GCFC2: variants seen among roughly 807,000 people sequenced by gnomAD.
GCFC2 encodes the protein intron Large complex component GCFC2.
In GCFC2, 102 loss-of-function variants were observed where a neutral mutation model predicts 99.4. The observed-to-expected ratio is 1.03, with a 90% CI of 0.87 to 1.21. GCFC2 has a LOEUF of 1.21. Ranked by LOEUF, GCFC2 falls within the 50% of genes most tolerant of loss-of-function variation. The pLI is 0.00. For synonymous variants in GCFC2, 338 were observed against 316.8 expected (o/e 1.07, Z -0.71); for missense variants, 973 against 920.9 (o/e 1.06, Z -0.73).
chr2:75,697,475 C>G (rs918222742), intron 4 of GCFC2: 3 of 152,316 alleles, frequency 2.0e-5, no homozygotes, highest in African/African-American at 7.2e-5. Context: ...CACTTACCTT[C>G]CCTCCTATAA....
intron 12 of GCFC2, among the ~76,000 whole-genome samples, chr2:75,676,431 A>C (rs1679340999): frequency 6.6e-6 from 1 of 150,934 alleles, no homozygotes. Context: ...CCACTTCCAC[A>C]TGACAATTTT....
chr2:75,680,041 AAAGTC>A (rs1298690556), intron 12 of GCFC2, 147 bp downstream of exon 12: 1 of 580,790 alleles, frequency 1.7e-6, no homozygotes, highest in Non-Finnish European at 2.8e-6. Flanking sequence ...AGTCTGAGAA[AAAGTC>A]TAGTTTCTAT....
chr2:75,689,611 A>C (rs1201842764), intron 9 of GCFC2, among the ~76,000 whole-genome samples: 2 of 152,148 alleles, frequency 1.3e-5, no homozygotes, highest in Non-Finnish European at 2.9e-5. Flanking sequence ...GAATTTTTCA[A>C]CTATATGCAT....
At position 75,680,177 on chromosome 2, in the gene GCFC2, C is replaced by G. The variant is rs369179494; in HGVS notation, c.1812+16G>C. The G allele has an allele frequency of 1.0e-5, 16 of 1,583,596 alleles. No homozygotes were observed. Among genetic ancestry groups the G allele is most frequent in the East Asian group, 2.2e-5 (1 of 44,600 alleles). On this transcript the variant is annotated intron_variant, in intron 12 of 16. Coordinates refer to ENST00000321027, the MANE Select transcript of GCFC2 (RefSeq NM_003203.5). The stretch of plus-strand genomic sequence containing the variant: ...TAGAGATAGATCATGGAGTTCGCAA[C>G]TCTAGAAATTATTACCTGTCTGCTT...
Position 75,664,673 on chromosome 2 carries a change from T to C in GCFC2, c.2339A>G (p.Glu780Gly), listed in dbSNP as rs777814462. ...HLDHLKSLIK[E>G]D is the part of the protein sequence containing the mutation. ...TTTTCCAATAAAGTTTATTCAATCT[T>C]CTTTAATTAGTGATTTAAGATGGTC... The change falls in exon 17 of 17, where the codon GAA becomes GGA. Residue 780 changes from glutamate to glycine, a missense_variant. By Grantham distance (98) the Glu-to-Gly change is moderately conservative. Transcript: ENST00000321027. 1 of 1,337,808 alleles carries C rather than the reference T, an allele frequency of 7.5e-7. No individual in the cohort carries two copies. The highest frequency in any genetic ancestry group is 1.1e-6 in the Non-Finnish European group (1 of 936,684). 82.9% of individuals were successfully genotyped at this position (1,337,808 alleles called of 1,614,324 possible).
chr2:75,705,533 C>T (rs1191929436), intron 2 of GCFC2, among the ~76,000 whole-genome samples: 3 of 112,566 alleles, frequency 2.7e-5, no homozygotes, highest in Non-Finnish European at 6.0e-5. Flanking sequence ...AGGAGAATGA[C>T]GTGAACCTGG....
At position 75,696,886 on chromosome 2, in the gene GCFC2, C is replaced by T. The variant is rs564165022; in HGVS notation, c.718-571G>A. 7.0e-3 allele frequency among the ~76,000 whole-genome samples: 1,060 copies of T among 152,070 alleles called. 8 individuals carry two copies. The highest frequency in any genetic ancestry group is 0.024 in the African/African-American group (1,012 of 41,484). ...CTGCAAGCTCCGCCTCCTGGGTTCA[C>T]GCCATTCTCCTGCCTCAGCCTCCCG... On this transcript the variant is annotated intron_variant, in intron 4 of 16. Coordinates refer to ENST00000321027, the MANE Select transcript of GCFC2 (RefSeq NM_003203.5).
At chr2:75,686,012 C>T (rs1679797805) in intron 11 of GCFC2, among the ~76,000 whole-genome samples, 1 of 152,162 alleles carries the variant, frequency 6.6e-6, no homozygotes, top group Non-Finnish European at 1.5e-5. Flanking sequence ...TCTGTTAGTG[C>T]TATCTTTGAA....
At position 75,670,588 on chromosome 2, in the gene GCFC2, A is replaced by T. The variant is rs545481237; in HGVS notation, c.1957-304T>A. 9.2e-5 allele frequency: 21 copies of T among 229,336 alleles called. No individual in the cohort carries two copies. The South Asian group carries it at 1.4e-3, about 15-fold the overall frequency. The allele number at this position is 229,336 out of a possible 1,614,324, so 14.2% of individuals were successfully genotyped here. A position where few individuals can be genotyped will look rare whatever the true frequency, so the allele number is the denominator to read the frequency against. On this transcript the variant is annotated intron_variant, in intron 14 of 16. Coordinates refer to ENST00000321027, the MANE Select transcript of GCFC2 (RefSeq NM_003203.5). ...CCATTTTCTCTCAAAGCCGGGGGCCATCAAGTATAAGACCACAGGACCACG... is the reference window on the plus strand; with the variant it reads ...CCATTTTCTCTCAAAGCCGGGGGCCTTCAAGTATAAGACCACAGGACCACG...
intron 15 of GCFC2, 41 bp from the exon 16 acceptor site, chr2:75,666,094 T>C (rs1237718560): frequency 4.6e-6 from 7 of 1,514,118 alleles, no homozygotes; most frequent in East Asian, 2.3e-5. Context: ...ATGACAGTTA[T>C]CTAAGAAATC....
intron 11 of GCFC2, among the ~76,000 whole-genome samples, chr2:75,685,278 T>A (rs1406452873): frequency 6.6e-6 from 1 of 152,190 alleles, no homozygotes; most frequent in Non-Finnish European, 1.5e-5. Context: ...CTCCTATCTT[T>A]TACAACAAAA....
In GCFC2 at chr2:75,665,912, A is replaced by G; in HGVS notation, c.2228+17T>C. The G allele has an allele frequency of 6.5e-7, 1 of 1,534,904 alleles. No individual in the cohort carries two copies. The highest frequency in any genetic ancestry group is 8.9e-7 in the Non-Finnish European group (1 of 1,121,142). ...CATGAACTCTCTTTATAGAAGTGAA[A>G]ATAAAATATGCATTACCTGAATTCA... On this transcript the variant is annotated intron_variant, in intron 16 of 16. Coordinates refer to ENST00000321027, the MANE Select transcript of GCFC2 (RefSeq NM_003203.5).
chr2:75,687,710 T>C lies in GCFC2; in HGVS notation c.1690+117A>G, dbSNP rs904501228. ...GACAGCTGTTGATTTTTACTACATA[T>C]AACATTTCCTTGAGATTAAAAACTT... On this transcript the variant is annotated intron_variant, in intron 11 of 16. Transcript: ENST00000321027. 3.6e-6 allele frequency: 3 copies of C among 832,422 alleles called. No individual in the cohort carries two copies. The Admixed American group carries it at 7.9e-5, about 22-fold the overall frequency. The allele number at this position is 832,422 out of a possible 1,614,324, so 51.6% of individuals were successfully genotyped here.
In GCFC2 at chr2:75,684,066, T is replaced by A. The variant is rs146354204; in HGVS notation, c.1691-3752A>T. 2.1e-3 allele frequency among the ~76,000 whole-genome samples: 324 copies of A among 152,264 alleles called. 2 individuals carry two copies. Among genetic ancestry groups the A allele is most frequent in the African/African-American group, 7.5e-3 (310 of 41,544 alleles). On this transcript the variant is annotated intron_variant, in intron 11 of 16. Transcript: ENST00000321027. ...CATCCCACTGTCGATAACAGACAGATCAATGAAACAGAAAATTAACAAAGA... is the reference window on the plus strand; with the variant it reads ...CATCCCACTGTCGATAACAGACAGAACAATGAAACAGAAAATTAACAAAGA...
chr2:75,706,930 G>A (rs1202999177), intron 1 of GCFC2, among the ~76,000 whole-genome samples: 4 of 151,994 alleles, frequency 2.6e-5, no homozygotes, highest in South Asian at 2.1e-4. Flanking sequence ...AAAAAAAAGC[G>A]ACAAAAAATG....
At position 75,664,397 on chromosome 2, in the gene GCFC2, T is replaced by A. The variant is rs1013772342; in HGVS notation, c.*269A>T. 1 of 208,566 alleles carries A rather than the reference T, an allele frequency of 4.8e-6. No individual in the cohort carries two copies. 12.9% of individuals were successfully genotyped at this position (208,566 alleles called of 1,614,324 possible). A position where few individuals can be genotyped will look rare whatever the true frequency, so the allele number is the denominator to read the frequency against. ...TTCTCCAGTTCCCCTCTTAAGAAAA[T>A]TGAAAGACCAGCCAAAAGAATCAAA... On this transcript the variant is annotated 3_prime_UTR_variant, in exon 17 of 17. Transcript: ENST00000321027.
At chr2:75,694,840 C>T (rs1232563282) in intron 5 of GCFC2, among the ~76,000 whole-genome samples, 3 of 151,800 alleles carry the variant, frequency 2.0e-5, no homozygotes, top group East Asian at 1.9e-4. Context: ...TGTATAAAAA[C>T]GGGAATATAT....
intron 9 of GCFC2, among the ~76,000 whole-genome samples, chr2:75,689,452 C>T (rs542565444): frequency 1.3e-3 from 202 of 152,188 alleles, no homozygotes; most frequent in South Asian, 0.012. Flanking sequence ...TCTCATTTTA[C>T]CATCGTAGCT....
intron 2 of GCFC2, among the ~76,000 whole-genome samples, chr2:75,705,346 G>A (rs988656187): frequency 2.6e-5 from 4 of 151,990 alleles, no homozygotes; most frequent in South Asian, 2.1e-4. Context: ...ACTTATGGCC[G>A]GGCGTGGTGG....
Sources: gnomAD v4.1 joint callset for allele counts (sites outside exome capture counted in the v4.1 genomes callset) on GRCh38, gnomAD v4.1.1 for gene constraint, MANE v1.5 for transcripts, NCBI Gene and HGNC (gene_info 2026-07-23, HGNC 2026-07-21) for gene names.